RNFT1: variants seen among roughly 807,000 people sequenced by gnomAD.
The protein encoded by RNFT1 is E3 ubiquitin-protein ligase RNFT1.
In RNFT1, 35 loss-of-function variants were observed where a neutral mutation model predicts 53.2. That is an observed-to-expected ratio of 0.66 (90% CI 0.50 to 0.87). The LOEUF is 0.87. Among genes scored for constraint, RNFT1 ranks in the 40% least tolerant of loss-of-function variants. The pLI is 0.00. For missense variants in RNFT1, 421 were observed against 515.0 expected (o/e 0.82, Z 1.77); for synonymous variants, 141 against 172.8 (o/e 0.82, Z 1.44).
rs1230604575 is a variant in RNFT1, at chr17:59,962,860, G to A, written c.481C>T (p.Leu161=). The A allele has an allele frequency of 2.5e-6, 4 of 1,612,770 alleles. No homozygotes were observed. Among genetic ancestry groups the A allele is most frequent in the Non-Finnish European group, 3.4e-6 (4 of 1,178,916 alleles). The change falls in exon 2 of 9, where the codon CTG becomes TTG. Residue 161 remains leucine (L), a synonymous_variant. Transcript: ENST00000305783. ...TGCTGCATAACAAGTTTGACGCTCA[G>A]AATCAAAATATATGGAAGACTTTTT... is the stretch of plus-strand genomic sequence containing the variant. The part of the protein sequence containing the change: ...LQKSLPYILI[L]SVKLVMQHIT...
At chr17:59,957,139 A>C in intron 6 of RNFT1, 85 bp downstream of exon 6, 2 of 1,327,426 alleles carry the variant, frequency 1.5e-6, no homozygotes, top group South Asian at 1.4e-5. Flanking sequence ...ATAAACTATA[A>C]AACTGTTAAA....
intron 3 of RNFT1, among the ~76,000 whole-genome samples, chr17:59,961,726 G>A (rs1279558221): frequency 6.6e-6 from 1 of 151,684 alleles, no homozygotes; most frequent in African/African-American, 2.4e-5. Flanking sequence ...ACAGGCAAGC[G>A]CCACCACGCC....
At chr17:59,964,534 C>G in intron 1 of RNFT1, 74 bp downstream of exon 1, 1 of 1,413,854 alleles carries the variant, frequency 7.1e-7, no homozygotes, top group Non-Finnish European at 9.7e-7. Context: ...GCCTCGAGTG[C>G]CTATTCTCCC....
rs1298096960 is a variant in RNFT1 at position 59,962,855 on chromosome 17, G to A, written c.486C>T (p.Ser162=). The A allele has an allele frequency of 2.5e-6, 4 of 1,612,084 alleles. No homozygotes were observed. Among genetic ancestry groups the A allele is most frequent in the Non-Finnish European group, 3.4e-6 (4 of 1,178,266 alleles). ...QKSLPYILIL[S]VKLVMQHITG... The stretch of plus-strand genomic sequence containing the variant: ...TTATATGCTGCATAACAAGTTTGAC[G>A]CTCAGAATCAAAATATATGGAAGAC... The change falls in exon 2 of 9, where the codon AGC becomes AGT. Residue 162 remains serine, a synonymous_variant. Coordinates refer to ENST00000305783, the MANE Select transcript of RNFT1 (RefSeq NM_016125.4).
intron 5 of RNFT1, 56 bp from the exon 6 acceptor site, chr17:59,957,438 C>T (rs1156726782): frequency 2.3e-6 from 3 of 1,313,492 alleles, no homozygotes; most frequent in Non-Finnish European, 3.2e-6. Context: ...CTACATAGCA[C>T]AAACAATATT....
chr17:59,960,228 A>C, intron 3 of RNFT1, 60 bp from the exon 4 acceptor site: 3 of 1,536,682 alleles, frequency 2.0e-6, no homozygotes, highest in Non-Finnish European at 2.6e-6. Context: ...AAATATCATT[A>C]AACTGTTTTA....
intron 7 of RNFT1, among the ~76,000 whole-genome samples, chr17:59,955,582 G>A (rs1346791747): frequency 6.6e-6 from 1 of 152,176 alleles, no homozygotes; most frequent in East Asian, 1.9e-4. Flanking sequence ...CTTGGACAAA[G>A]CTGAACTCTC....
In RNFT1 at chr17:59,952,487, T is replaced by C. The variant is rs908112768; in HGVS notation, c.*490A>G. 2.0e-5 allele frequency: 3 copies of C among 152,438 alleles called. No homozygotes were observed. Among genetic ancestry groups the C allele is most frequent in the African/African-American group, 7.2e-5 (3 of 41,460 alleles). 9.4% of individuals were successfully genotyped at this position (152,438 alleles called of 1,614,324 possible). A position where few individuals can be genotyped will look rare whatever the true frequency, so the allele number is the denominator to read the frequency against. On this transcript the variant is annotated 3_prime_UTR_variant, in exon 9 of 9. Transcript: ENST00000305783. ...AATGTTACTGATAAAATACAACATT[T>C]AGAATTTTCATTTAAAAATACAAAT...
intron 3 of RNFT1, chr17:59,962,244 T>G (rs2045299120): frequency 4.3e-6 from 1 of 232,380 alleles, no homozygotes; most frequent in African/African-American, 2.3e-5. Context: ...TGATACAACA[T>G]GAAGGGACTT....
rs2045260635 is a variant in RNFT1, at chr17:59,957,373, A to T, written c.856T>A (p.Tyr286Asn). ...IMPFKSKGYW[Y>N]MLLEELCQYY... ...TGACACAATTCTTCTAAAAGCATAT[A>T]CCAGTAACCCTAAAAAATAAGAAGA... The change falls in exon 6 of 9, where the codon TAT becomes AAT. Residue 286 changes from tyrosine (Y) to asparagine (N), a missense_variant. Tyr to Asn is a moderately radical substitution (Grantham distance 143). Transcript: ENST00000305783. The T allele has an allele frequency of 6.2e-7, 1 of 1,608,294 alleles. No individual in the cohort carries two copies. The highest frequency in any genetic ancestry group is 1.7e-5 in the Admixed American group (1 of 58,224).
chr17:59,959,917 A>G (rs548219658), intron 4 of RNFT1, 151 bp downstream of exon 4: 5 of 528,094 alleles, frequency 9.5e-6, no homozygotes, highest in Admixed American at 5.2e-5. Context: ...CTCAAAAAGA[A>G]AAAAAAAAAA....
In RNFT1 at chr17:59,962,674, A is replaced by C. The variant is rs570268303; in HGVS notation, c.515-58T>G. 4 of 1,404,148 alleles carry C rather than the reference A, an allele frequency of 2.8e-6. No individual in the cohort carries two copies. The South Asian group carries it at 5.0e-5, about 18-fold the overall frequency. 87.0% of individuals were successfully genotyped at this position (1,404,148 alleles called of 1,614,324 possible). Reference sequence around the variant, plus strand: ...AAAAAAAAATCAAAGAGGATTATATAAGCTAACAATGACACAAATTAAAAA... The same window carrying C: ...AAAAAAAAATCAAAGAGGATTATATCAGCTAACAATGACACAAATTAAAAA... On this transcript the variant is annotated intron_variant, in intron 2 of 8. Coordinates refer to ENST00000305783, the MANE Select transcript of RNFT1 (RefSeq NM_016125.4).
At position 59,964,709 on chromosome 17, in the gene RNFT1, G is replaced by T. The variant is rs567865858; in HGVS notation, c.-46C>A. On this transcript the variant is annotated 5_prime_UTR_variant, in exon 1 of 9. Coordinates refer to ENST00000305783, the MANE Select transcript of RNFT1 (RefSeq NM_016125.4). ...GTCGGGGCCATCAACCGCAAACCCC[G>T]CAAGCTCTTCTCTCAGCCCGGCGGC... is the stretch of plus-strand genomic sequence containing the variant. The T allele has an allele frequency of 4.5e-6, 7 of 1,554,316 alleles. No homozygotes were observed. The highest frequency in any genetic ancestry group is 1.4e-5 in the African/African-American group (1 of 72,246).
In RNFT1 at chr17:59,963,249, TCTGACC is replaced by T. The variant is rs2045309290; in HGVS notation, c.86_91del (p.Gly29_Ser30del). Reference sequence around the variant, plus strand: ...TTGCATGGCCCTTAAATACTTTTTCTCTGACCCAGATGTCTTTGCTTCAGGCCTCTG... The same window carrying T: ...TTGCATGGCCCTTAAATACTTTTTCTCAGATGTCTTTGCTTCAGGCCTCTG... On this transcript the variant is annotated inframe_deletion, in exon 2 of 9. Coordinates refer to ENST00000305783, the MANE Select transcript of RNFT1 (RefSeq NM_016125.4). The T allele has an allele frequency of 4.3e-6, 7 of 1,612,554 alleles. No individual in the cohort carries two copies. The highest frequency in any genetic ancestry group is 5.9e-6 in the Non-Finnish European group (7 of 1,179,468).
intron 7 of RNFT1, among the ~76,000 whole-genome samples, chr17:59,954,784 A>G (rs1254363161): frequency 1.3e-5 from 2 of 152,224 alleles, no homozygotes; most frequent in African/African-American, 2.4e-5. Context: ...TAAACATAAA[A>G]AAGTTTTACG....
In RNFT1 at chr17:59,958,288, T is replaced by A. The variant is rs1210642927; in HGVS notation, c.846+3A>T. The A allele has an allele frequency of 2.5e-6, 4 of 1,587,616 alleles. No individual in the cohort carries two copies. Among genetic ancestry groups the A allele is most frequent in the Non-Finnish European group, 3.4e-6 (4 of 1,174,202 alleles). On this transcript the variant is annotated splice_donor_region_variant and intron_variant, in intron 5 of 8. Coordinates refer to ENST00000305783, the MANE Select transcript of RNFT1 (RefSeq NM_016125.4). ...TCCAATAAAGCATAAGTGAGTTTCT[T>A]ACCTTAGATTTAAAAGGCATGATGA...
intron 4 of RNFT1, 83 bp downstream of exon 4, chr17:59,959,985 G>T: frequency 3.9e-6 from 5 of 1,297,288 alleles, no homozygotes; most frequent in Non-Finnish European, 4.2e-6. Context: ...AATACAATAA[G>T]TACTATGTGA....
rs930974401 is a variant in RNFT1, at chr17:59,962,541, C to A, written c.590G>T (p.Arg197Ile). 1 of 1,596,900 alleles carries A rather than the reference C, an allele frequency of 6.3e-7. No homozygotes were observed. The highest frequency in any genetic ancestry group is 8.5e-7 in the Non-Finnish European group (1 of 1,170,112). ...TTTTTAGTTGCTTGTTATACTTACT[C>A]TTAGAAAAACCTGATTTACAATGCT... ...NKSIVNQVFL[R>I]ERSSKIQCAW... Residue 197 changes from arginine (R) to isoleucine (I), a missense_variant and splice_region_variant, in exon 3 of 9, where the codon AGA becomes ATA. Transcript: ENST00000305783.
In RNFT1 at chr17:59,964,574, G is replaced by T. The variant is rs1340827102; in HGVS notation, c.56+34C>A. 2.6e-6 allele frequency: 4 copies of T among 1,564,892 alleles called. No individual in the cohort carries two copies. The East Asian group carries it at 9.5e-5, about 37-fold the overall frequency. On this transcript the variant is annotated intron_variant, in intron 1 of 8. Coordinates refer to ENST00000305783, the MANE Select transcript of RNFT1 (RefSeq NM_016125.4). ...GCCCCCTGCGCCGCGGCCCCTCGCC[G>T]CCTCCTCCTCTGCCCGCTTCCCCCA...
Sources: allele counts gnomAD v4.1 joint callset (sites outside exome capture counted in the v4.1 genomes callset), GRCh38; gene constraint gnomAD v4.1.1; transcripts MANE v1.5; gene names NCBI Gene and HGNC (gene_info 2026-07-23, HGNC 2026-07-21).